The following CTNNA2 variants were observed in gnomAD, a reference collection of about 807,000 sequenced individuals.
CTNNA2 encodes catenin alpha-2.
A neutral mutation model predicts 101.0 loss-of-function variants in CTNNA2; 42 were observed. The observed-to-expected ratio is 0.42, with a 90% CI of 0.32 to 0.54. The LOEUF (loss-of-function observed/expected upper bound fraction) is 0.54. Among genes scored for constraint, CTNNA2 ranks in the 20% least tolerant of loss-of-function variants. The pLI is 0.14. For missense variants in CTNNA2, 871 were observed against 1,223.1 expected (o/e 0.71, Z 4.29); for synonymous variants, 450 against 456.4 (o/e 0.99, Z 0.18).
intron 7 of CTNNA2, among the ~76,000 whole-genome samples, chr2:80,179,922 A>C (rs1228894520): frequency 2.0e-5 from 3 of 152,154 alleles, no homozygotes; most frequent in Non-Finnish European, 4.4e-5. Context: ...TGACCACAGG[A>C]TGAGTCTGGG....
intron 3 of CTNNA2, among the ~76,000 whole-genome samples, chr2:79,773,299 G>A (rs1424843148): frequency 6.6e-6 from 1 of 152,192 alleles, no homozygotes; most frequent in Non-Finnish European, 1.5e-5. Context: ...ATTTGCCAAA[G>A]TTAAGGATGC....
intron 7 of CTNNA2, among the ~76,000 whole-genome samples, chr2:80,003,011 C>A (rs1026725764): frequency 2.6e-5 from 4 of 152,126 alleles, no homozygotes; most frequent in Non-Finnish European, 4.4e-5. Flanking sequence ...ACATTCCCTA[C>A]CCACTTAGGT....
chr2:79,987,489 G>A (rs1439452272), intron 7 of CTNNA2, among the ~76,000 whole-genome samples: 1 of 152,154 alleles, frequency 6.6e-6, no homozygotes, highest in African/African-American at 2.4e-5. Context: ...ACCTTTGAAA[G>A]GGAAAGTTAG....
At chr2:80,043,202 C>CTA in intron 7 of CTNNA2, among the ~76,000 whole-genome samples, 1 of 101,170 alleles carries the variant, frequency 9.9e-6, no homozygotes, top group South Asian at 3.5e-4. Context: ...TTCTTTCTCT[C>CTA]TCTCTTTTTT....
At chr2:80,090,200 G>T (rs1699711699) in intron 7 of CTNNA2, among the ~76,000 whole-genome samples, 1 of 149,506 alleles carries the variant, frequency 6.7e-6, no homozygotes, top group Admixed American at 6.7e-5. Context: ...TTGTGTGTAT[G>T]CATGTGTGTG....
intron 3 of CTNNA2, among the ~76,000 whole-genome samples, chr2:79,337,234 G>C (rs527675505): frequency 1.1e-4 from 16 of 152,274 alleles, no homozygotes; most frequent in African/African-American, 3.6e-4. Context: ...ACTGACCCAA[G>C]ATAGGAAAGA....
chr2:79,934,720 A>G (rs1687665680), intron 7 of CTNNA2, among the ~76,000 whole-genome samples: 1 of 152,222 alleles, frequency 6.6e-6, no homozygotes. Context: ...ACAGAGGGGA[A>G]CAAGGTGAGC....
At chr2:80,104,932 C>G (rs1035351769) in intron 7 of CTNNA2, among the ~76,000 whole-genome samples, 2 of 152,104 alleles carry the variant, frequency 1.3e-5, no homozygotes, top group African/African-American at 2.4e-5. Flanking sequence ...ACAGATGGCT[C>G]TTGTGTGACC....
intron 4 of CTNNA2, among the ~76,000 whole-genome samples, chr2:79,489,606 A>G (rs1671190076): frequency 1.3e-5 from 2 of 152,200 alleles, no homozygotes; most frequent in African/African-American, 4.8e-5. Context: ...TGTTCTTTTC[A>G]TTACAAAGAG....
chr2:79,774,346 G>A (rs1673808454), intron 3 of CTNNA2, among the ~76,000 whole-genome samples: 1 of 152,180 alleles, frequency 6.6e-6, no homozygotes, highest in Admixed American at 6.5e-5. Flanking sequence ...TGACCCTGTA[G>A]TTGAAAGCCT....
intron 9 of CTNNA2, among the ~76,000 whole-genome samples, chr2:80,521,447 CA>C: frequency 6.6e-6 from 1 of 152,250 alleles, no homozygotes; most frequent in South Asian, 2.1e-4. Flanking sequence ...CTTCATGTGG[CA>C]AAGGGGAATT....
intron 7 of CTNNA2, among the ~76,000 whole-genome samples, chr2:80,236,995 T>G (rs13417735): frequency 0.12 from 18,401 of 152,156 alleles, 2,618 homozygotes; most frequent in African/African-American, 0.34. Context: ...GAGAAAGCAG[T>G]AACATATTGA....
chr2:80,020,899 C>G (rs1234440587), intron 7 of CTNNA2, among the ~76,000 whole-genome samples: 1 of 151,828 alleles, frequency 6.6e-6, no homozygotes, highest in African/African-American at 2.4e-5. Context: ...ATGCTGTGGA[C>G]CAGCCAAAGT....
At chr2:80,048,865 T>G (rs1696692202) in intron 7 of CTNNA2, among the ~76,000 whole-genome samples, 1 of 151,888 alleles carries the variant, frequency 6.6e-6, no homozygotes, top group African/African-American at 2.4e-5. Context: ...CAGGCAAGAG[T>G]GCACAGCAAG....
intron 3 of CTNNA2, among the ~76,000 whole-genome samples, chr2:79,846,233 C>T (rs2103873537): frequency 6.6e-6 from 1 of 152,270 alleles, no homozygotes; most frequent in Admixed American, 6.5e-5. Context: ...CAACTTTTCT[C>T]ATTCTGAGAA....
At chr2:80,612,633 G>A (rs955994794) in intron 17 of CTNNA2, among the ~76,000 whole-genome samples, 7 of 151,472 alleles carry the variant, frequency 4.6e-5, no homozygotes, top group Non-Finnish European at 7.4e-5. Context: ...TTTGAAGAGC[G>A]TTGTGTTCCT....
chr2:79,402,128 C>T (rs1178369665), intron 4 of CTNNA2, among the ~76,000 whole-genome samples: 1 of 151,594 alleles, frequency 6.6e-6, no homozygotes, highest in Non-Finnish European at 1.5e-5. Flanking sequence ...AAACCTATAT[C>T]CACCTAGCAA....
chr2:80,129,150 C>G (rs894361640), intron 7 of CTNNA2, among the ~76,000 whole-genome samples: 1 of 152,296 alleles, frequency 6.6e-6, no homozygotes, highest in East Asian at 1.9e-4. Context: ...GGGAGAGCCT[C>G]AGACCATGAT....
chr2:79,830,408 T>C (rs1288318284), intron 3 of CTNNA2, among the ~76,000 whole-genome samples: 1 of 152,006 alleles, frequency 6.6e-6, no homozygotes, highest in Non-Finnish European at 1.5e-5. Context: ...CGGTAGAATG[T>C]AGGTAGGTGC....
Sources: gnomAD v4.1 joint callset for allele counts (sites outside exome capture counted in the v4.1 genomes callset) on GRCh38, gnomAD v4.1.1 for gene constraint, MANE v1.5 for transcripts, NCBI Gene and HGNC (gene_info 2026-07-23, HGNC 2026-07-21) for gene names.